The following LHPP variants were observed in gnomAD, a reference collection of about 807,000 sequenced individuals.
LHPP encodes phospholysine phosphohistidine inorganic pyrophosphate phosphatase.
In LHPP, 24 loss-of-function variants were observed where a neutral mutation model predicts 30.3. That is an observed-to-expected ratio of 0.79 (90% CI 0.57 to 1.11). LHPP has a LOEUF of 1.11. Among genes scored for constraint, LHPP ranks in the 50% most tolerant of loss-of-function variants. LHPP has a pLI of 0.00. For missense variants in LHPP, 356 were observed against 367.2 expected (o/e 0.97, Z 0.25); for synonymous variants, 150 against 157.1 (o/e 0.95, Z 0.34).
chr10:124,528,491 T>C (rs1228127798), intron 6 of LHPP, among the ~76,000 whole-genome samples: 1 of 152,210 alleles, frequency 6.6e-6, no homozygotes, highest in East Asian at 1.9e-4. Context: ...TCCAAGTAGC[T>C]GGGAATACAG....
intron 5 of LHPP, among the ~76,000 whole-genome samples, chr10:124,501,686 G>A (rs1589800812): frequency 6.6e-6 from 1 of 151,558 alleles, no homozygotes; most frequent in South Asian, 2.1e-4. Context: ...CTCGATGCCA[G>A]TGAATTGAAT....
chr10:124,564,657 C>G (rs1948460862), intron 6 of LHPP, among the ~76,000 whole-genome samples: 1 of 152,172 alleles, frequency 6.6e-6, no homozygotes, highest in Non-Finnish European at 1.5e-5. Context: ...AGCATAAGCT[C>G]CTGGTTCCCC....
intron 5 of LHPP, among the ~76,000 whole-genome samples, chr10:124,507,894 C>T (rs545777935): frequency 0.039 from 346 of 8,798 alleles, 1 homozygote; most frequent in Admixed American, 0.056. Context: ...GATTTCAGGT[C>T]GGGGGGGTAG....
At chr10:124,522,494 TCAGATGGGA>T (rs985478457) in intron 6 of LHPP, among the ~76,000 whole-genome samples, 1 of 152,198 alleles carries the variant, frequency 6.6e-6, no homozygotes, top group African/African-American at 2.4e-5. Context: ...AGAGGCTTTT[TCAGATGGGA>T]CAGCTAGGAC....
intron 6 of LHPP, among the ~76,000 whole-genome samples, chr10:124,540,305 C>T (rs566336717): frequency 7.9e-5 from 12 of 152,214 alleles, no homozygotes; most frequent in Non-Finnish European, 1.3e-4. Flanking sequence ...CAGGTCCACA[C>T]GGCTGTGGGT....
intron 3 of LHPP, among the ~76,000 whole-genome samples, chr10:124,489,516 G>GTGA (rs1415965623): frequency 2.6e-5 from 4 of 152,126 alleles, no homozygotes; most frequent in African/African-American, 9.7e-5. Context: ...GTGCAGCGGC[G>GTGA]TGATCTCGGC....
At chr10:124,569,654 T>C (rs953215188) in intron 6 of LHPP, among the ~76,000 whole-genome samples, 19 of 152,190 alleles carry the variant, frequency 1.2e-4, no homozygotes, top group Non-Finnish European at 2.6e-4. Flanking sequence ...CTGGGGGATC[T>C]CAGGGACATG....
chr10:124,547,897 G>T (rs1955392898), intron 6 of LHPP, among the ~76,000 whole-genome samples: 1 of 152,252 alleles, frequency 6.6e-6, no homozygotes, highest in Non-Finnish European at 1.5e-5. Context: ...GGAGGTGGGT[G>T]GCCACACTGT....
At chr10:124,487,002 T>G (rs924009280) in intron 2 of LHPP, among the ~76,000 whole-genome samples, 1 of 152,282 alleles carries the variant, frequency 6.6e-6, no homozygotes, top group Admixed American at 6.5e-5. Flanking sequence ...TAGTCTTTTG[T>G]GTAAGGCTTC....
At chr10:124,607,063 C>G (rs1282633642) in intron 6 of LHPP, among the ~76,000 whole-genome samples, 1 of 152,218 alleles carries the variant, frequency 6.6e-6, no homozygotes. Flanking sequence ...CTGTCTGTCT[C>G]TTCCTCCTCC....
At chr10:124,536,331 C>G (rs1270055553) in intron 6 of LHPP, among the ~76,000 whole-genome samples, 1 of 152,240 alleles carries the variant, frequency 6.6e-6, no homozygotes, top group African/African-American at 2.4e-5. Context: ...GTTAACCTGT[C>G]TGGAACCAGG....
At position 124,593,570 on chromosome 10, in the gene LHPP, G is replaced by A. The variant is rs941590475; in HGVS notation, c.717-19694G>A. The stretch of plus-strand genomic sequence containing the variant: ...ACTTTACTCCCATGTCCTCCTCTTG[G>A]GGGTGTGACATGAGGTCTTCCCCAA... On this transcript the variant is annotated intron_variant, in intron 6 of 6. Transcript: ENST00000368842. This position sits in a 1 kb window ranked among gnomAD's most constrained non-coding sequence, Gnocchi z 4.9. Among the ~76,000 whole-genome samples, 2 of 152,210 alleles carry A rather than the reference G, an allele frequency of 1.3e-5. No homozygotes were observed. Among genetic ancestry groups the A allele is most frequent in the African/African-American group, 4.8e-5 (2 of 41,438 alleles).
chr10:124,540,487 G>T (rs112003829), intron 6 of LHPP, among the ~76,000 whole-genome samples: 1 of 152,178 alleles, frequency 6.6e-6, no homozygotes, highest in Non-Finnish European at 1.5e-5. Flanking sequence ...CCCTTTCCCC[G>T]AGCGCCCTTC....
intron 5 of LHPP, among the ~76,000 whole-genome samples, chr10:124,514,301 G>A (rs1954391156): frequency 6.6e-6 from 1 of 152,202 alleles, no homozygotes; most frequent in African/African-American, 2.4e-5. Flanking sequence ...TAATTTTCTG[G>A]TGTTGATGTG....
At chr10:124,490,054 G>A (rs1953473473) in intron 3 of LHPP, 1 of 172,122 alleles carries the variant, frequency 5.8e-6, no homozygotes, top group Non-Finnish European at 1.2e-5. Flanking sequence ...TCCCATCTGT[G>A]GGTGTCCATC....
chr10:124,491,660 C>A (rs1218863412), intron 3 of LHPP, among the ~76,000 whole-genome samples: 2 of 152,350 alleles, frequency 1.3e-5, no homozygotes, highest in Middle Eastern at 3.4e-3. Context: ...GACAGTGGCT[C>A]ACGCCGGTAA....
In LHPP at chr10:124,510,719, T is replaced by C. The variant is rs755634833; in HGVS notation, c.625-6461T>C. Among the ~76,000 whole-genome samples, 8 of 152,252 alleles carry C rather than the reference T, an allele frequency of 5.3e-5. No individual in the cohort carries two copies. Among genetic ancestry groups the C allele is most frequent in the Non-Finnish European group, 8.8e-5 (6 of 68,042 alleles). On this transcript the variant is annotated intron_variant, in intron 5 of 6. Transcript: ENST00000368842. The surrounding 1 kb of genome is among the most constrained non-coding windows in gnomAD (Gnocchi z 4.0). Reference sequence around the variant, plus strand: ...GACATGTAATATTTGGAAGACCCATTGCATTTCCAAGGAACCTTCTAGCAG... The same window carrying C: ...GACATGTAATATTTGGAAGACCCATCGCATTTCCAAGGAACCTTCTAGCAG...
At chr10:124,567,223 A>G (rs2133976613) in intron 6 of LHPP, among the ~76,000 whole-genome samples, 1 of 152,352 alleles carries the variant, frequency 6.6e-6, no homozygotes, top group East Asian at 1.9e-4. Flanking sequence ...GTGGACTGGA[A>G]GCTCCAGGTG....
chr10:124,599,407 A>T (rs1256315475), intron 6 of LHPP, among the ~76,000 whole-genome samples: 1 of 152,184 alleles, frequency 6.6e-6, no homozygotes, highest in Non-Finnish European at 1.5e-5. Flanking sequence ...GAGAGAAGGG[A>T]GGCTCTGAGT....
Sources: allele counts gnomAD v4.1 joint callset (sites outside exome capture counted in the v4.1 genomes callset), GRCh38; gene constraint gnomAD v4.1.1; non-coding constraint Gnocchi (gnomAD v3.1); transcripts MANE v1.5; gene names NCBI Gene and HGNC (gene_info 2026-07-23, HGNC 2026-07-21).